The following SIK3 variants were observed in gnomAD, a reference collection of about 807,000 sequenced individuals.
SIK3 encodes the protein SIK family kinase 3, also known as serine/threonine-protein kinase SIK3.
In SIK3, 28 loss-of-function variants were observed where a neutral mutation model predicts 144.2. The observed-to-expected ratio is 0.19, with a 90% CI of 0.14 to 0.27. The LOEUF (loss-of-function observed/expected upper bound fraction) is 0.27, where lower values mean the gene tolerates loss of function less well. Among genes scored for constraint, SIK3 ranks in the 10% least tolerant of loss-of-function variants. The pLI is 1.00. For missense variants in SIK3, 1,319 were observed against 1,776.0 expected (o/e 0.74, Z 4.62); for synonymous variants, 686 against 676.3 (o/e 1.01, Z -0.22).
chr11:116,972,157 A>G lies in SIK3; in HGVS notation c.274-15093T>C, dbSNP rs372216328. 2.2e-4 allele frequency among the ~76,000 whole-genome samples: 33 copies of G among 152,198 alleles called. 2 individuals carry two copies. The South Asian group carries it at 6.7e-3, about 31-fold the overall frequency. The stretch of plus-strand genomic sequence containing the variant: ...AACCCATACAACAACCCTATGGAGT[A>G]GGTACTATTATTCTCATTTTACAGA... On this transcript the variant is annotated intron_variant, in intron 1 of 24. Transcript: ENST00000445177.
chr11:116,997,904 G>T (rs572431852), intron 1 of SIK3, among the ~76,000 whole-genome samples: 1 of 152,266 alleles, frequency 6.6e-6, no homozygotes, highest in East Asian at 1.9e-4. Flanking sequence ...TTGTCACCCA[G>T]ACTGCAGTGC....
intron 5 of SIK3, among the ~76,000 whole-genome samples, chr11:116,896,650 G>A (rs983957777): frequency 6.6e-6 from 1 of 152,198 alleles, no homozygotes. Context: ...ATCCAAGCTG[G>A]CCCTTGGGCT....
intron 1 of SIK3, among the ~76,000 whole-genome samples, chr11:117,083,266 C>T (rs1488811239): frequency 6.6e-6 from 1 of 151,834 alleles, no homozygotes; most frequent in Non-Finnish European, 1.5e-5. Context: ...CACTGGCTAC[C>T]CTTTTGCATG....
intron 3 of SIK3, among the ~76,000 whole-genome samples, chr11:116,949,751 T>G (rs1948846866): frequency 1.3e-5 from 2 of 152,228 alleles, no homozygotes; most frequent in Admixed American, 1.3e-4. Context: ...TCAAATGTCC[T>G]TTACCACAAC....
At chr11:117,055,870 G>A (rs1953492586) in intron 1 of SIK3, among the ~76,000 whole-genome samples, 1 of 152,190 alleles carries the variant, frequency 6.6e-6, no homozygotes, top group Admixed American at 6.5e-5. Flanking sequence ...GCCATGTGAG[G>A]ACACAGCATT....
At chr11:116,897,419 T>C (rs2134775794) in intron 4 of SIK3, 102 bp from the exon 5 acceptor site, 1 of 1,054,638 alleles carries the variant, frequency 9.5e-7, no homozygotes, top group Non-Finnish European at 1.4e-6. Context: ...ATTGTCTGAA[T>C]ATTAAATGCA....
At chr11:116,992,315 A>G (rs1338884576) in intron 1 of SIK3, among the ~76,000 whole-genome samples, 2 of 117,840 alleles carry the variant, frequency 1.7e-5, no homozygotes, top group African/African-American at 6.4e-5. Context: ...ACAGAGCAAG[A>G]CCCCCCCCCC....
At chr11:116,994,419 G>A (rs1950592788) in intron 1 of SIK3, among the ~76,000 whole-genome samples, 1 of 152,182 alleles carries the variant, frequency 6.6e-6, no homozygotes, top group African/African-American at 2.4e-5. Flanking sequence ...CACACTGACT[G>A]CTCTACTCCT....
chr11:116,920,543 A>C (rs1946906019), intron 4 of SIK3, among the ~76,000 whole-genome samples: 1 of 152,142 alleles, frequency 6.6e-6, no homozygotes, highest in Non-Finnish European at 1.5e-5. Context: ...CCCCATTAGA[A>C]TATAAGTTCC....
intron 1 of SIK3, among the ~76,000 whole-genome samples, chr11:117,018,110 G>A (rs1329431808): frequency 6.6e-6 from 1 of 152,034 alleles, no homozygotes; most frequent in Non-Finnish European, 1.5e-5. Context: ...AACAGCTTGG[G>A]GGGAAACCCG....
At chr11:117,076,180 A>G (rs1241561324) in intron 1 of SIK3, among the ~76,000 whole-genome samples, 1 of 152,028 alleles carries the variant, frequency 6.6e-6, no homozygotes, top group Non-Finnish European at 1.5e-5. Context: ...TTACCGTTGC[A>G]GGGTTCCATC....
At chr11:117,036,696 A>G (rs1234338283) in intron 1 of SIK3, among the ~76,000 whole-genome samples, 2 of 152,212 alleles carry the variant, frequency 1.3e-5, no homozygotes. Flanking sequence ...ATGTCACCAA[A>G]TCAAAGCCAG....
chr11:116,869,442 A>C (rs540265344), intron 14 of SIK3: 1 of 152,350 alleles, frequency 6.6e-6, no homozygotes, highest in Admixed American at 6.5e-5. Flanking sequence ...CTGTAGAGTA[A>C]TCAGTGTTAT....
intron 1 of SIK3, among the ~76,000 whole-genome samples, chr11:117,043,388 C>T (rs1952826062): frequency 6.6e-6 from 1 of 152,114 alleles, no homozygotes; most frequent in Admixed American, 6.5e-5. Flanking sequence ...CAGTCTTCAG[C>T]CTGGATACTT....
intron 1 of SIK3, among the ~76,000 whole-genome samples, chr11:117,005,865 C>G (rs1380753134): frequency 6.6e-6 from 1 of 152,108 alleles, no homozygotes; most frequent in African/African-American, 2.4e-5. Context: ...AAGACGAAGG[C>G]TGATCTACTG....
At chr11:117,097,432 C>T (rs1245263610) in intron 1 of SIK3, among the ~76,000 whole-genome samples, 1 of 150,604 alleles carries the variant, frequency 6.6e-6, no homozygotes, top group Non-Finnish European at 1.5e-5. Flanking sequence ...CTGGGACAGC[C>T]CCCACCCCCA....
intron 4 of SIK3, among the ~76,000 whole-genome samples, chr11:116,922,709 C>T (rs1947054200): frequency 1.3e-5 from 2 of 151,980 alleles, no homozygotes; most frequent in African/African-American, 4.8e-5. Context: ...TATCCACAGA[C>T]CAATTTATTC....
intron 1 of SIK3, among the ~76,000 whole-genome samples, chr11:116,964,647 G>A (rs59283948): frequency 0.074 from 11,190 of 152,156 alleles, 743 homozygotes; most frequent in African/African-American, 0.18. Flanking sequence ...TTGGGAGGCC[G>A]AGGTAGGCAG....
intron 21 of SIK3, chr11:116,855,845 T>C (rs1289687801): frequency 6.6e-6 from 1 of 152,116 alleles, no homozygotes; most frequent in Admixed American, 6.5e-5. Flanking sequence ...TATTCTAGGG[T>C]TGTAGGGTTG....
Sources: gnomAD v4.1 joint callset for allele counts (sites outside exome capture counted in the v4.1 genomes callset) on GRCh38, gnomAD v4.1.1 for gene constraint, MANE v1.5 for transcripts, NCBI Gene and HGNC (gene_info 2026-07-23, HGNC 2026-07-21) for gene names.